The following MIER3 variants were observed in gnomAD, a reference collection of about 807,000 sequenced individuals.
The protein encoded by MIER3 is mesoderm induction early response protein 3.
A neutral mutation model predicts 63.2 loss-of-function variants in MIER3; 9 were observed. The ratio of observed to expected loss-of-function variants is 0.14; its 90% CI spans 0.09 to 0.25. The LOEUF is 0.25. MIER3 is among the 10% of genes least tolerant of loss of function. The pLI is 1.00. For synonymous variants in MIER3, 205 were observed against 224.9 expected (o/e 0.91, Z 0.79); for missense variants, 512 against 666.2 (o/e 0.77, Z 2.55).
intron 3 of MIER3, among the ~76,000 whole-genome samples, chr5:56,940,308 G>A (rs1257649601): frequency 6.6e-6 from 1 of 152,186 alleles, no homozygotes; most frequent in Non-Finnish European, 1.5e-5. Context: ...TTATGGTTTA[G>A]TTTTCCCTTT....
intron 3 of MIER3, among the ~76,000 whole-genome samples, chr5:56,939,856 G>A (rs548114255): frequency 1.3e-5 from 2 of 152,296 alleles, no homozygotes; most frequent in East Asian, 3.9e-4. Flanking sequence ...AGCTGTGGTA[G>A]GAATAATATG....
chr5:56,935,571 A>T, intron 6 of MIER3, 71 bp from the exon 7 acceptor site: 1 of 1,502,484 alleles, frequency 6.7e-7, no homozygotes, highest in Non-Finnish European at 9.1e-7. Context: ...CATATCATTA[A>T]TCAGTTTCTA....
intron 5 of MIER3, 78 bp from the exon 6 acceptor site, chr5:56,935,829 A>C: frequency 9.7e-7 from 1 of 1,036,254 alleles, no homozygotes; most frequent in Non-Finnish European, 1.5e-6. Flanking sequence ...TATTTTACAA[A>C]ATGTTGTTAA....
chr5:56,927,326 T>TAAC (rs576099380), intron 10 of MIER3, among the ~76,000 whole-genome samples: 22 of 152,230 alleles, frequency 1.4e-4, no homozygotes, highest in Admixed American at 1.3e-4. Context: ...GATATAATAA[T>TAAC]AACTATAGGA....
In MIER3 at chr5:56,947,047, T is replaced by A. The variant is rs778731208; in HGVS notation, c.59A>T (p.His20Leu). Reference protein sequence around the residue: ...SPVGSLSSEDHDFDPTAEMLV... With the variant: ...SPVGSLSSEDLDFDPTAEMLV... ...CATCTCAGCAGTGGGGTCAAAATCA[T>A]GATCCTCAGAAGACAAAGACCCAAC... The change falls in exon 3 of 13, where the codon CAT becomes CTT. Residue 20 changes from histidine to leucine, a missense_variant. Coordinates refer to ENST00000381199, the MANE Select transcript of MIER3 (RefSeq NM_001297599.2). 8.1e-6 allele frequency: 13 copies of A among 1,609,542 alleles called. No homozygotes were observed.
At chr5:56,944,417 C>A (rs1005171408) in intron 3 of MIER3, among the ~76,000 whole-genome samples, 13 of 152,058 alleles carry the variant, frequency 8.5e-5, no homozygotes, top group Non-Finnish European at 8.8e-5. Flanking sequence ...GGAGGCGGAG[C>A]CTGCAGTAAG....
chr5:56,936,277 G>A lies in MIER3; in HGVS notation c.437-526C>T, dbSNP rs1750443006. Among the ~76,000 whole-genome samples, 3 of 152,024 alleles carry A rather than the reference G, an allele frequency of 2.0e-5. No individual in the cohort carries two copies. The South Asian group carries it at 6.2e-4, about 32-fold the overall frequency. Reference sequence around the variant, plus strand: ...TGGTATACTATTAAATAGTTTGGGAGGTAAAAGGAAACCACTGTGGTCACC... The same window carrying A: ...TGGTATACTATTAAATAGTTTGGGAAGTAAAAGGAAACCACTGTGGTCACC... On this transcript the variant is annotated intron_variant, in intron 5 of 12. Coordinates refer to ENST00000381199, the MANE Select transcript of MIER3 (RefSeq NM_001297599.2).
In MIER3 at chr5:56,922,199, C is replaced by T. The variant is rs1749703765; in HGVS notation, c.*929G>A. On this transcript the variant is annotated 3_prime_UTR_variant, in exon 13 of 13. Transcript: ENST00000381199. The stretch of plus-strand genomic sequence containing the variant: ...TCCCAAAATGTAAACCATTGAGTGG[C>T]AACATCCTAGGCTTTGTAGACTGTG... 1 of 152,616 alleles carries T rather than the reference C, an allele frequency of 6.6e-6. No homozygotes were observed. Among genetic ancestry groups the T allele is most frequent in the Non-Finnish European group, 1.5e-5 (1 of 68,050 alleles). The allele number at this position is 152,616 out of a possible 1,614,324, so 9.5% of individuals were successfully genotyped here.
In MIER3 at chr5:56,948,138, C is replaced by T. The variant is rs563223089; in HGVS notation, c.35-1067G>A. On this transcript the variant is annotated intron_variant, in intron 2 of 12. Coordinates refer to ENST00000381199, the MANE Select transcript of MIER3 (RefSeq NM_001297599.2). ...TTTTAAAATTTCAAACATTTCAGGACAGTGTGAGATCATTACCAAAACACT... is the reference window on the plus strand; with the variant it reads ...TTTTAAAATTTCAAACATTTCAGGATAGTGTGAGATCATTACCAAAACACT... 4.9e-4 allele frequency among the ~76,000 whole-genome samples: 74 copies of T among 152,248 alleles called. No homozygotes were observed. In the East Asian group the frequency reaches 0.014, roughly 28 times the overall value.
chr5:56,930,883 T>C (rs1750241642), intron 8 of MIER3, 138 bp from the exon 9 acceptor site: 1 of 700,358 alleles, frequency 1.4e-6, no homozygotes, highest in South Asian at 1.8e-5. Flanking sequence ...TTTGAAGGTA[T>C]ATTTGCCCAA....
Position 56,922,536 on chromosome 5 carries a change from A to T in MIER3, c.*592T>A, listed in dbSNP as rs1420034900. The T allele has an allele frequency of 6.5e-6, 1 of 153,434 alleles. No homozygotes were observed. The highest frequency in any genetic ancestry group is 1.5e-5 in the Non-Finnish European group (1 of 68,610). 9.5% of individuals were successfully genotyped at this position (153,434 alleles called of 1,614,324 possible). ...TTTGTAAACTGAAGTGCTCTAGTTG[A>T]ATAACATGAGAGAAGTTTCCATTTT... On this transcript the variant is annotated 3_prime_UTR_variant, in exon 13 of 13. Coordinates refer to ENST00000381199, the MANE Select transcript of MIER3 (RefSeq NM_001297599.2).
At chr5:56,930,218 A>G (rs756894542) in intron 9 of MIER3, among the ~76,000 whole-genome samples, 1 of 152,176 alleles carries the variant, frequency 6.6e-6, no homozygotes, top group African/African-American at 2.4e-5. Flanking sequence ...AAGAACTATA[A>G]AATGTTATTA....
intron 1 of MIER3, 100 bp downstream of exon 1, chr5:56,951,994 G>T: frequency 1.9e-6 from 2 of 1,034,370 alleles, no homozygotes; most frequent in Non-Finnish European, 2.4e-6. Context: ...TCATGGGGCA[G>T]CGGAAAGAGC....
intron 3 of MIER3, among the ~76,000 whole-genome samples, chr5:56,942,480 G>A (rs892239683): frequency 2.6e-5 from 4 of 152,196 alleles, no homozygotes; most frequent in Non-Finnish European, 4.4e-5. Context: ...TTTCTGGCCT[G>A]AGAAGTTAGG....
chr5:56,945,904 G>A (rs969947468), intron 3 of MIER3, among the ~76,000 whole-genome samples: 1 of 152,052 alleles, frequency 6.6e-6, no homozygotes, highest in African/African-American at 2.4e-5. Flanking sequence ...CCTTCTAAAA[G>A]CTTGATCCTT....
At chr5:56,928,675 G>A in intron 10 of MIER3, 92 bp downstream of exon 10, 1 of 862,114 alleles carries the variant, frequency 1.2e-6, no homozygotes, top group Non-Finnish European at 1.8e-6. Context: ...ACATTAGTAA[G>A]TTGTTCTTTT....
rs187859029 is a variant in MIER3, at chr5:56,951,983, C to T, written c.9+111G>A. Reference sequence around the variant, plus strand: ...CGACCCCCGCGTCGCCACGCCGCCCCTCATGGGGCAGCGGAAAGAGCCCCG... The same window carrying T: ...CGACCCCCGCGTCGCCACGCCGCCCTTCATGGGGCAGCGGAAAGAGCCCCG... On this transcript the variant is annotated intron_variant, in intron 1 of 12. Coordinates refer to ENST00000381199, the MANE Select transcript of MIER3 (RefSeq NM_001297599.2). 3.1e-5 allele frequency: 30 copies of T among 961,988 alleles called. No individual in the cohort carries two copies. The Admixed American group carries it at 1.4e-3, about 43-fold the overall frequency. The allele number at this position is 961,988 out of a possible 1,614,324, so 59.6% of individuals were successfully genotyped here. A position where few individuals can be genotyped will look rare whatever the true frequency, so the allele number is the denominator to read the frequency against.
chr5:56,920,381 T>C lies in MIER3; in HGVS notation c.*2747A>G, dbSNP rs1188321164. The C allele has an allele frequency of 1.3e-5, 2 of 152,476 alleles. No homozygotes were observed. The highest frequency in any genetic ancestry group is 1.9e-4 in the East Asian group (1 of 5,192). 9.4% of individuals were successfully genotyped at this position (152,476 alleles called of 1,614,324 possible). A position where few individuals can be genotyped will look rare whatever the true frequency, so the allele number is the denominator to read the frequency against. ...TCAAATTCCCTGTACATAAAAGATA[T>C]ATCAGCCAACACTGCAACTGCTCAC... On this transcript the variant is annotated 3_prime_UTR_variant, in exon 13 of 13. Coordinates refer to ENST00000381199, the MANE Select transcript of MIER3 (RefSeq NM_001297599.2).
At position 56,922,285 on chromosome 5, in the gene MIER3, G is replaced by A. The variant is rs1749707424; in HGVS notation, c.*843C>T. On this transcript the variant is annotated 3_prime_UTR_variant, in exon 13 of 13. Coordinates refer to ENST00000381199, the MANE Select transcript of MIER3 (RefSeq NM_001297599.2). ...TATCAATGACTGGTATGATTTTTAA[G>A]ATTACAATCTTGACAATGGTGGACA... 1 of 152,462 alleles carries A rather than the reference G, an allele frequency of 6.6e-6. No individual in the cohort carries two copies. The highest frequency in any genetic ancestry group is 2.4e-5 in the African/African-American group (1 of 41,460). The allele number at this position is 152,462 out of a possible 1,614,324, so 9.4% of individuals were successfully genotyped here. A position where few individuals can be genotyped will look rare whatever the true frequency, so the allele number is the denominator to read the frequency against.
Sources: gnomAD v4.1 joint callset for allele counts (sites outside exome capture counted in the v4.1 genomes callset) on GRCh38, gnomAD v4.1.1 for gene constraint, MANE v1.5 for transcripts, NCBI Gene and HGNC (gene_info 2026-07-23, HGNC 2026-07-21) for gene names.